TSHZ2: variants seen among roughly 807,000 people sequenced by gnomAD.
The protein encoded by TSHZ2 is teashirt zinc finger homeobox 2, also known as teashirt homolog 2.
TSHZ2 carries 21 observed loss-of-function variants against 74.4 expected under a neutral mutation model. That is an observed-to-expected ratio of 0.28 (90% confidence interval 0.20 to 0.41). The LOEUF is 0.41. TSHZ2 is among the 10% of genes least tolerant of loss of function. The pLI, the probability that TSHZ2 is intolerant of heterozygous loss-of-function variation, is 1.00. For synonymous variants in TSHZ2, 540 were observed against 515.3 expected (o/e 1.05, Z -0.65); for missense variants, 1,244 against 1,293.5 (o/e 0.96, Z 0.59).
At chr20:53,291,148 G>A (rs1991269937) in intron 2 of TSHZ2, among the ~76,000 whole-genome samples, 1 of 152,140 alleles carries the variant, frequency 6.6e-6, no homozygotes, top group South Asian at 2.1e-4. Flanking sequence ...GGTGAGGGGT[G>A]CTAGTCAGTT....
intron 1 of TSHZ2, among the ~76,000 whole-genome samples, chr20:53,147,580 G>C (rs1987572818): frequency 6.6e-6 from 1 of 152,152 alleles, no homozygotes; most frequent in Non-Finnish European, 1.5e-5. Context: ...ATTTTTGATT[G>C]TTGGTTGCCA....
At chr20:53,196,680 C>T (rs552259514) in intron 1 of TSHZ2, 2 of 152,124 alleles carry the variant, frequency 1.3e-5, no homozygotes, top group Non-Finnish European at 2.9e-5. Context: ...AACAGGCAGA[C>T]AAAAAATATA....
chr20:53,329,849 G>A (rs1022529799), intron 2 of TSHZ2, among the ~76,000 whole-genome samples: 1 of 152,182 alleles, frequency 6.6e-6, no homozygotes, highest in Non-Finnish European at 1.5e-5. Flanking sequence ...AGGGAGGACA[G>A]AGCCAGGCCA....
chr20:53,186,471 C>G (rs1988601441), intron 1 of TSHZ2, among the ~76,000 whole-genome samples: 1 of 152,152 alleles, frequency 6.6e-6, no homozygotes, highest in Non-Finnish European at 1.5e-5. Context: ...TAAAATACTG[C>G]AAGTAATAGT....
chr20:53,429,756 A>G (rs930414805), intron 2 of TSHZ2, among the ~76,000 whole-genome samples: 1 of 152,102 alleles, frequency 6.6e-6, no homozygotes, highest in Admixed American at 6.5e-5. Context: ...AGGTACACAG[A>G]GTGGTTTAGA....
At chr20:53,198,969 G>T (rs751638503) in intron 1 of TSHZ2, among the ~76,000 whole-genome samples, 13 of 152,110 alleles carry the variant, frequency 8.5e-5, no homozygotes, top group South Asian at 2.1e-4. Flanking sequence ...ATAATAAGGT[G>T]CCCCGACTAG....
rs1227006046 is a variant in TSHZ2 at position 53,436,542 on chromosome 20, A to ATT, written c.*9-50601_*9-50600dup. ...TTATTTATTTATTATTATTATTATT[A>ATT]TTATTATTTTTTTTTTTTTTTTAGA... On this transcript the variant is annotated intron_variant, in intron 2 of 2. Transcript: ENST00000371497. 4.1e-4 allele frequency among the ~76,000 whole-genome samples: 41 copies of ATT among 98,856 alleles called. 2 individuals are homozygous for ATT. Among genetic ancestry groups the ATT allele is most frequent in the East Asian group, 2.6e-3 (8 of 3,030 alleles). 64.9% of individuals were successfully genotyped at this position (98,856 alleles called of 152,430 possible).
At chr20:53,047,732 A>C (rs1476320711) in intron 1 of TSHZ2, among the ~76,000 whole-genome samples, 1 of 152,162 alleles carries the variant, frequency 6.6e-6, no homozygotes, top group Non-Finnish European at 1.5e-5. Flanking sequence ...GGAGCAAAAA[A>C]AAACCATTCT....
chr20:52,976,284 A>G (rs1981337096), intron 1 of TSHZ2, among the ~76,000 whole-genome samples: 1 of 152,250 alleles, frequency 6.6e-6, no homozygotes, highest in Non-Finnish European at 1.5e-5. Flanking sequence ...CAGCTAAATC[A>G]GAGTATTTCC....
At chr20:53,324,100 C>T (rs1979395374) in intron 2 of TSHZ2, among the ~76,000 whole-genome samples, 1 of 152,180 alleles carries the variant, frequency 6.6e-6, no homozygotes, top group Non-Finnish European at 1.5e-5. Flanking sequence ...GGGCTCCTGT[C>T]ACTCCCTTCC....
intron 2 of TSHZ2, among the ~76,000 whole-genome samples, chr20:53,284,710 G>A (rs372912931): frequency 2.1e-5 from 3 of 144,210 alleles, no homozygotes; most frequent in South Asian, 4.7e-4. Flanking sequence ...CCCCCTACAC[G>A]CCCGTCCCCC....
intron 1 of TSHZ2, among the ~76,000 whole-genome samples, chr20:53,030,514 G>C (rs1240843831): frequency 6.6e-6 from 1 of 152,088 alleles, no homozygotes; most frequent in Non-Finnish European, 1.5e-5. Flanking sequence ...GAGTCTCTCT[G>C]GTCTCTGGGT....
At chr20:53,016,850 A>G (rs908334514) in intron 1 of TSHZ2, among the ~76,000 whole-genome samples, 2 of 152,304 alleles carry the variant, frequency 1.3e-5, no homozygotes, top group Admixed American at 1.3e-4. Context: ...CTGACCTTGC[A>G]TAATACACAA....
chr20:53,169,489 G>A (rs1001328849), intron 1 of TSHZ2, among the ~76,000 whole-genome samples: 3 of 152,152 alleles, frequency 2.0e-5, no homozygotes, highest in Non-Finnish European at 4.4e-5. Context: ...CTAGGATCAA[G>A]TCCAGATGTT....
chr20:53,050,953 C>A (rs1422980388), intron 1 of TSHZ2, among the ~76,000 whole-genome samples: 1 of 152,218 alleles, frequency 6.6e-6, no homozygotes, highest in Non-Finnish European at 1.5e-5. Flanking sequence ...TACTCTAGAA[C>A]TCTTTAGAGC....
At chr20:53,246,450 C>T (rs1401257275) in intron 1 of TSHZ2, among the ~76,000 whole-genome samples, 1 of 152,202 alleles carries the variant, frequency 6.6e-6, no homozygotes, top group African/African-American at 2.4e-5. Flanking sequence ...ACCTTCACAA[C>T]TGAGAACGGA....
At chr20:53,091,935 A>T (rs975949393) in intron 1 of TSHZ2, among the ~76,000 whole-genome samples, 1 of 152,192 alleles carries the variant, frequency 6.6e-6, no homozygotes, top group East Asian at 1.9e-4. Context: ...TGTACCAGCT[A>T]CTAGAGAGGC....
intron 2 of TSHZ2, among the ~76,000 whole-genome samples, chr20:53,310,008 A>G (rs1978710793): frequency 6.6e-6 from 1 of 152,240 alleles, no homozygotes; most frequent in Admixed American, 6.5e-5. Context: ...ATTGTTGAGC[A>G]TCTAACATAG....
intron 1 of TSHZ2, among the ~76,000 whole-genome samples, chr20:53,083,321 T>G (rs1029219350): frequency 3.3e-5 from 5 of 152,206 alleles, no homozygotes; most frequent in African/African-American, 1.2e-4. Context: ...GTGACCTTCC[T>G]TAGGGAGGTA....
Sources: gnomAD v4.1 joint callset for allele counts (sites outside exome capture counted in the v4.1 genomes callset) on GRCh38, gnomAD v4.1.1 for gene constraint, MANE v1.5 for transcripts, NCBI Gene and HGNC (gene_info 2026-07-23, HGNC 2026-07-21) for gene names.